Variants in TLE4 observed in about 807,000 individuals in gnomAD.
The protein encoded by TLE4 is TLE family member 4, transcriptional corepressor, also known as transducin-like enhancer protein 4.
In TLE4, 8 loss-of-function variants were observed where a neutral mutation model predicts 92.8. The ratio of observed to expected loss-of-function variants is 0.09; its 90% CI spans 0.05 to 0.16. The LOEUF (loss-of-function observed/expected upper bound fraction) is 0.16. Ranked by LOEUF, TLE4 falls within the 10% of genes least tolerant of loss-of-function variation. The pLI is 1.00. For missense variants in TLE4, 675 were observed against 997.6 expected (o/e 0.68, Z 4.36); for synonymous variants, 371 against 374.1 (o/e 0.99, Z 0.10).
At chr9:79,703,933 C>G (rs892648296) in intron 8 of TLE4, among the ~76,000 whole-genome samples, 1 of 152,080 alleles carries the variant, frequency 6.6e-6, no homozygotes, top group Admixed American at 6.6e-5. Context: ...TACTTTCCCC[C>G]CTTTTTTTTT....
chr9:79,625,014 C>CTTTTTTTTTTTTTT (rs34968887), intron 5 of TLE4, among the ~76,000 whole-genome samples: 13 of 79,948 alleles, frequency 1.6e-4, no homozygotes, highest in African/African-American at 3.2e-4. Flanking sequence ...TATTTCTTTT[C>CTTTTTTTTTTTTTT]TTTTTTTTTT....
chr9:79,655,500 T>C (rs2059655366), intron 8 of TLE4, among the ~76,000 whole-genome samples: 2 of 152,212 alleles, frequency 1.3e-5, no homozygotes, highest in African/African-American at 4.8e-5. Context: ...CCTATCTGTT[T>C]TACCCTTCAA....
chr9:79,627,609 GC>G, intron 6 of TLE4, 161 bp downstream of exon 6: 1 of 685,526 alleles, frequency 1.5e-6, no homozygotes, highest in South Asian at 1.9e-5. Context: ...TTTGATGGCT[GC>G]CTTAGAAACT....
At chr9:79,629,112 C>T (rs953045783) in intron 6 of TLE4, among the ~76,000 whole-genome samples, 2 of 152,074 alleles carry the variant, frequency 1.3e-5, no homozygotes, top group Admixed American at 6.6e-5. Flanking sequence ...TTTAGCTTAG[C>T]GTTTACTGTT....
At chr9:79,573,940 C>T (rs1412609849) in intron 2 of TLE4, 154 bp downstream of exon 2, 2 of 438,996 alleles carry the variant, frequency 4.6e-6, no homozygotes, top group Non-Finnish European at 8.0e-6. Flanking sequence ...ATCAAGGCCT[C>T]CTTCCTTAGG....
intron 8 of TLE4, among the ~76,000 whole-genome samples, chr9:79,688,465 A>G (rs541851693): frequency 6.6e-6 from 1 of 152,092 alleles, no homozygotes; most frequent in African/African-American, 2.4e-5. Flanking sequence ...CTGTCAGTGC[A>G]GTTGGATTGC....
At chr9:79,606,488 T>TTTACATGACGAGGTA (rs1327506302) in intron 4 of TLE4, among the ~76,000 whole-genome samples, 3 of 151,766 alleles carry the variant, frequency 2.0e-5, no homozygotes, top group Non-Finnish European at 4.4e-5. Context: ...CAACTCGTCA[T>TTTACATGACGAGGTA]TTACATTAGG....
At chr9:79,668,994 C>A (rs931712286) in intron 8 of TLE4, among the ~76,000 whole-genome samples, 2 of 152,132 alleles carry the variant, frequency 1.3e-5, no homozygotes, top group Admixed American at 1.3e-4. Context: ...CGGAGAAGCC[C>A]GCCATCCTTC....
chr9:79,609,077 T>C (rs187402627), intron 4 of TLE4, among the ~76,000 whole-genome samples: 1 of 152,266 alleles, frequency 6.6e-6, no homozygotes, highest in Non-Finnish European at 1.5e-5. Flanking sequence ...TGTTACTTTT[T>C]AACCTAGTGA....
chr9:79,638,937 GGCTAAAGCATTCCAGGA>G (rs1273525868), intron 6 of TLE4, among the ~76,000 whole-genome samples: 4 of 152,112 alleles, frequency 2.6e-5, no homozygotes, highest in Non-Finnish European at 5.9e-5. Context: ...CTGCTATCAA[GGCTAAAGCATTCCAGGA>G]GCTCTTTGCA....
intron 8 of TLE4, among the ~76,000 whole-genome samples, chr9:79,667,291 G>A (rs575843238): frequency 6.6e-6 from 1 of 152,178 alleles, no homozygotes; most frequent in Non-Finnish European, 1.5e-5. Flanking sequence ...GTCTTACAGG[G>A]TGTTGCTCAG....
chr9:79,691,655 C>T (rs1346726964), intron 8 of TLE4, among the ~76,000 whole-genome samples: 1 of 152,154 alleles, frequency 6.6e-6, no homozygotes, highest in African/African-American at 2.4e-5. Flanking sequence ...CCATTGCCAG[C>T]TTTCCGCTTC....
chr9:79,695,348 ATC>A (rs796705650), intron 8 of TLE4, among the ~76,000 whole-genome samples: 108,330 of 149,924 alleles, frequency 0.72, 39,273 homozygotes, highest in South Asian at 0.8. Context: ...ACAAATGCAT[ATC>A]TCACACACAC....
intron 6 of TLE4, among the ~76,000 whole-genome samples, chr9:79,632,436 A>G (rs1049862342): frequency 6.6e-6 from 1 of 152,106 alleles, no homozygotes; most frequent in Non-Finnish European, 1.5e-5. Context: ...TGATCATTTC[A>G]AAATTACCTG....
chr9:79,665,951 A>G (rs989200807), intron 8 of TLE4, among the ~76,000 whole-genome samples: 4 of 152,220 alleles, frequency 2.6e-5, no homozygotes, highest in African/African-American at 9.6e-5. Flanking sequence ...AGAGACCTTT[A>G]GAAGGAAGTA....
At chr9:79,582,048 C>G (rs1237813571) in intron 4 of TLE4, among the ~76,000 whole-genome samples, 1 of 152,098 alleles carries the variant, frequency 6.6e-6, no homozygotes, top group Non-Finnish European at 1.5e-5. Context: ...TTCTCTTTAA[C>G]TTTTATCTTT....
intron 8 of TLE4, among the ~76,000 whole-genome samples, chr9:79,700,356 G>A (rs1389237029): frequency 1.3e-5 from 2 of 152,206 alleles, no homozygotes; most frequent in Non-Finnish European, 2.9e-5. Flanking sequence ...TTCTTTTGGA[G>A]GGGGAAGTTA....
chr9:79,650,392 T>C (rs1265721984), intron 6 of TLE4, among the ~76,000 whole-genome samples: 1 of 152,168 alleles, frequency 6.6e-6, no homozygotes, highest in African/African-American at 2.4e-5. Context: ...TGCCTGCTCA[T>C]TGACCTCTGA....
intron 6 of TLE4, among the ~76,000 whole-genome samples, chr9:79,646,798 T>C (rs1220442940): frequency 1.3e-5 from 2 of 152,202 alleles, no homozygotes; most frequent in Admixed American, 6.5e-5. Context: ...TTTTATCTTA[T>C]AGTTTAATAT....
Sources: gnomAD v4.1 joint callset for allele counts (sites outside exome capture counted in the v4.1 genomes callset) on GRCh38, gnomAD v4.1.1 for gene constraint, MANE v1.5 for transcripts, NCBI Gene and HGNC (gene_info 2026-07-23, HGNC 2026-07-21) for gene names.